Variants in BTRC observed in about 807,000 individuals in gnomAD.
BTRC encodes F-box/WD repeat-containing protein 1A.
BTRC carries 42 observed loss-of-function variants against 85.5 expected under a neutral mutation model. That is an observed-to-expected ratio of 0.49 (90% CI 0.38 to 0.64). The LOEUF (loss-of-function observed/expected upper bound fraction) is 0.64. Ranked by LOEUF, BTRC falls within the 30% of genes least tolerant of loss-of-function variation. The pLI, the probability that BTRC is intolerant of heterozygous loss-of-function variation, is 0.00. For missense variants in BTRC, 594 were observed against 743.5 expected, an observed-to-expected ratio of 0.80 and a Z score of 2.34; for synonymous variants, 255 against 263.3, an observed-to-expected ratio of 0.97 and a Z score of 0.30.
chr10:101,420,521 T>G (rs1944071764), intron 1 of BTRC, among the ~76,000 whole-genome samples: 1 of 152,068 alleles, frequency 6.6e-6, no homozygotes, highest in Non-Finnish European at 1.5e-5. Flanking sequence ...CACCCTCCAC[T>G]GCCCTGTGTG....
Position 101,450,036 on chromosome 10 carries a change from G to GT in BTRC, c.157-11936dup, listed in dbSNP as rs573860145. On this transcript the variant is annotated intron_variant, in intron 2 of 14. Transcript: ENST00000370187. The stretch of plus-strand genomic sequence containing the variant: ...TACTTGAAAGGGTAAGGTAGGAAGT[G>GT]TTTTTTTTTGTTTGTTTTTAAATTA... Among the ~76,000 whole-genome samples, 1,386 of 146,326 alleles carry GT rather than the reference G, an allele frequency of 9.5e-3. 9 individuals are homozygous for GT. Among genetic ancestry groups the GT allele is most frequent in the Middle Eastern group, 0.021 (6 of 284 alleles).
At chr10:101,392,473 A>G (rs1201871154) in intron 1 of BTRC, among the ~76,000 whole-genome samples, 1 of 152,148 alleles carries the variant, frequency 6.6e-6, no homozygotes, top group Non-Finnish European at 1.5e-5. Flanking sequence ...TAAACTAAAA[A>G]TTAATTGAAA....
At chr10:101,416,465 T>A (rs1286191273) in intron 1 of BTRC, among the ~76,000 whole-genome samples, 9 of 152,210 alleles carry the variant, frequency 5.9e-5, no homozygotes. Context: ...ATCCCTTTGG[T>A]TCAGTTGAGG....
chr10:101,407,078 C>T (rs1224798471), intron 1 of BTRC, among the ~76,000 whole-genome samples: 1 of 152,138 alleles, frequency 6.6e-6, no homozygotes, highest in Non-Finnish European at 1.5e-5. Context: ...TGAAATGAAG[C>T]TGGGCAAGGT....
chr10:101,471,930 G>A (rs2134199696), intron 3 of BTRC, among the ~76,000 whole-genome samples: 1 of 152,104 alleles, frequency 6.6e-6, no homozygotes, highest in South Asian at 2.1e-4. Context: ...TTCATATTGG[G>A]CTACTGAAAG....
At chr10:101,470,420 C>G (rs1945492034) in intron 3 of BTRC, among the ~76,000 whole-genome samples, 1 of 150,816 alleles carries the variant, frequency 6.6e-6, no homozygotes, top group African/African-American at 2.4e-5. Flanking sequence ...GCAACCTCTG[C>G]CTCCCAGGTT....
chr10:101,479,293 G>A, intron 3 of BTRC, 75 bp from the exon 4 acceptor site: 2 of 1,088,980 alleles, frequency 1.8e-6, no homozygotes, highest in African/African-American at 1.6e-5. Context: ...TTGAGAAATA[G>A]AGCAGAATTT....
At chr10:101,462,560 T>G (rs1341319057) in intron 3 of BTRC, among the ~76,000 whole-genome samples, 1 of 151,156 alleles carries the variant, frequency 6.6e-6, no homozygotes, top group East Asian at 2.0e-4. Context: ...ATGCCTGTAA[T>G]CCCAGCTACT....
intron 2 of BTRC, among the ~76,000 whole-genome samples, chr10:101,436,434 C>T (rs1170451959): frequency 6.6e-5 from 10 of 152,046 alleles, no homozygotes; most frequent in Non-Finnish European, 1.5e-4. Context: ...CACATGAGCC[C>T]AGGAGTTCGA....
At chr10:101,499,356 C>T (rs1010567826) in intron 4 of BTRC, among the ~76,000 whole-genome samples, 9 of 151,748 alleles carry the variant, frequency 5.9e-5, no homozygotes, top group African/African-American at 1.9e-4. Flanking sequence ...CGTGAGTAGC[C>T]GGGATTATAG....
intron 4 of BTRC, among the ~76,000 whole-genome samples, chr10:101,489,688 A>C (rs184325422): frequency 6.6e-6 from 1 of 152,172 alleles, no homozygotes; most frequent in Non-Finnish European, 1.5e-5. Context: ...CTTCTACTCT[A>C]TACCAAGTTT....
chr10:101,546,847 C>T (rs142433652), intron 13 of BTRC, among the ~76,000 whole-genome samples: 46 of 152,176 alleles, frequency 3.0e-4, no homozygotes, highest in Non-Finnish European at 6.3e-4. Flanking sequence ...AAAGAGATCC[C>T]AGATCTTCAC....
Position 101,522,409 on chromosome 10 carries a change from C to CTTTTTTTTTTTTTTTTTTTTT in BTRC, c.556+547_556+567dup, listed in dbSNP as rs1176651688. 3.4e-4 allele frequency among the ~76,000 whole-genome samples: 10 copies of CTTTTTTTTTTTTTTTTTTTTT among 29,544 alleles called. 4 individuals carry two copies. Among genetic ancestry groups the CTTTTTTTTTTTTTTTTTTTTT allele is most frequent in the East Asian group, 2.4e-3 (2 of 820 alleles). The allele number at this position is 29,544 out of a possible 152,430, so 19.4% of individuals were successfully genotyped here. On this transcript the variant is annotated intron_variant, in intron 5 of 14. Coordinates refer to ENST00000370187, the MANE Select transcript of BTRC (RefSeq NM_033637.4). Reference sequence around the variant, plus strand: ...AAAAAAACTCTAGAAATAAAGACTCCTTTTTTTTTTTTTTTTTTTTTTTTT... The same window carrying CTTTTTTTTTTTTTTTTTTTTT: ...AAAAAAACTCTAGAAATAAAGACTCCTTTTTTTTTTTTTTTTTTTTTTTTTTTTTTTTTTTTTTTTTTTTTT...
Position 101,554,330 on chromosome 10 carries a change from T to G in BTRC, c.*1207T>G, listed in dbSNP as rs961967383. The G allele has an allele frequency of 6.6e-6, 1 of 152,234 alleles. No homozygotes were observed. The highest frequency in any genetic ancestry group is 6.5e-5 in the Admixed American group (1 of 15,292). The allele number at this position is 152,234 out of a possible 1,614,324, so 9.4% of individuals were successfully genotyped here. On this transcript the variant is annotated 3_prime_UTR_variant, in exon 15 of 15. Coordinates refer to ENST00000370187, the MANE Select transcript of BTRC (RefSeq NM_033637.4). ...TCTCCGATTTCCTCATCAGGGCCTGTGAATACCCAGGTGCCTGTATCTTTG... is the reference window on the plus strand; with the variant it reads ...TCTCCGATTTCCTCATCAGGGCCTGGGAATACCCAGGTGCCTGTATCTTTG...
intron 1 of BTRC, among the ~76,000 whole-genome samples, chr10:101,380,871 A>G (rs1004194120): frequency 2.0e-5 from 3 of 152,240 alleles, no homozygotes; most frequent in Non-Finnish European, 4.4e-5. Flanking sequence ...AGACAAATCT[A>G]GATAGTATAC....
chr10:101,460,898 A>G (rs1399964424), intron 2 of BTRC, among the ~76,000 whole-genome samples: 1 of 152,052 alleles, frequency 6.6e-6, no homozygotes, highest in African/African-American at 2.4e-5. Flanking sequence ...TATTAACTGT[A>G]AGTTTTTTGT....
Position 101,535,549 on chromosome 10 carries a change from T to A in BTRC, c.1466+77T>A, listed in dbSNP as rs150209730. 4.4e-5 allele frequency: 43 copies of A among 986,388 alleles called. No homozygotes were observed. In the African/African-American group the frequency reaches 6.3e-4, roughly 15 times the overall value. 61.1% of individuals were successfully genotyped at this position (986,388 alleles called of 1,614,324 possible). On this transcript the variant is annotated intron_variant, in intron 11 of 14. Transcript: ENST00000370187. ...ATTATTAATGCACAGATCATACAAGTCTTCAATTTTGTTATGTTTATAATC... is the reference window on the plus strand; with the variant it reads ...ATTATTAATGCACAGATCATACAAGACTTCAATTTTGTTATGTTTATAATC...
chr10:101,457,441 G>T (rs1296114673), intron 2 of BTRC, among the ~76,000 whole-genome samples: 1 of 152,140 alleles, frequency 6.6e-6, no homozygotes, highest in Non-Finnish European at 1.5e-5. Flanking sequence ...TCACATCCTG[G>T]GCAGGACAGA....
chr10:101,444,781 A>C (rs1425720587), intron 2 of BTRC, among the ~76,000 whole-genome samples: 1 of 152,246 alleles, frequency 6.6e-6, no homozygotes, highest in African/African-American at 2.4e-5. Flanking sequence ...AATCTGAAGG[A>C]GATAAATTAT....
Sources: allele counts gnomAD v4.1 joint callset (sites outside exome capture counted in the v4.1 genomes callset), GRCh38; gene constraint gnomAD v4.1.1; transcripts MANE v1.5; gene names NCBI Gene and HGNC (gene_info 2026-07-23, HGNC 2026-07-21).